The following BCL11A variants were observed in gnomAD, a reference collection of about 807,000 sequenced individuals.
The protein encoded by BCL11A is BCL11 transcription factor A, also known as B cell CLL/lymphoma 11A.
Under a neutral mutation model 55.9 loss-of-function variants are expected in BCL11A, and 2 were observed. The observed-to-expected ratio is 0.04, with a 90% CI of 0.01 to 0.11. The LOEUF is 0.11. BCL11A is among the 10% of genes least tolerant of loss of function. The pLI, the probability that BCL11A is intolerant of heterozygous loss-of-function variation, is 1.00. For synonymous variants in BCL11A, 465 were observed against 473.4 expected, an observed-to-expected ratio of 0.98 and a Z score of 0.23; for missense variants, 817 against 1,137.1, an observed-to-expected ratio of 0.72 and a Z score of 4.05.
At chr2:60,532,295 G>A (rs866935916) in intron 2 of BCL11A, among the ~76,000 whole-genome samples, 4 of 148,632 alleles carry the variant, frequency 2.7e-5, no homozygotes, top group South Asian at 2.1e-4. Flanking sequence ...AGTTTTGAGC[G>A]TCAGAAGGTG....
rs994991200 is a variant in BCL11A, at chr2:60,460,184, GAAAAAGA to G, written c.*213_*219del. 7.0e-6 allele frequency: 9 copies of G among 1,276,670 alleles called. No homozygotes were observed. In the East Asian group the frequency reaches 9.1e-5, roughly 13 times the overall value. The allele number at this position is 1,276,670 out of a possible 1,614,324, so 79.1% of individuals were successfully genotyped here. A position where few individuals can be genotyped will look rare whatever the true frequency, so the allele number is the denominator to read the frequency against. ...AACATAAAGGAAAAAAAAAAAAAAG[GAAAAAGA>G]AAAAAGAAAAAGAAAAAGAAAAAAA... On this transcript the variant is annotated 3_prime_UTR_variant, in exon 4 of 4. Transcript: ENST00000642384.
chr2:60,532,597 A>C (rs1669508925), intron 2 of BCL11A, among the ~76,000 whole-genome samples: 1 of 152,146 alleles, frequency 6.6e-6, no homozygotes, highest in African/African-American at 2.4e-5. Context: ...AAAAAAGAAA[A>C]TTCCTTGGCA....
chr2:60,461,795 G>A lies in BCL11A; in HGVS notation c.1117C>T (p.Pro373Ser), dbSNP rs1676309768. The A allele has an allele frequency of 2.5e-6, 4 of 1,613,884 alleles. No homozygotes were observed. Among genetic ancestry groups the A allele is most frequent in the Non-Finnish European group, 2.5e-6 (3 of 1,180,024 alleles). The change falls in exon 4 of 4, where the codon CCG becomes TCG. Residue 373 changes from proline to serine, a missense_variant. By Grantham distance (74) the Pro-to-Ser change is moderately conservative. Transcript: ENST00000642384. ...LQSAPPPSQP[P>S]VKSKSCEFCG... ...AACTCGCATGACTTGGACTTGACCG[G>A]GGGCTGGGAGGGAGGAGGGGCGGAT...
chr2:60,484,789 C>G (rs961738671), intron 2 of BCL11A, among the ~76,000 whole-genome samples: 2 of 151,658 alleles, frequency 1.3e-5, no homozygotes, highest in African/African-American at 4.8e-5. Context: ...AGTATAAAAC[C>G]TCAAATTATG....
intron 1 of BCL11A, among the ~76,000 whole-genome samples, chr2:60,551,449 G>C (rs985413899): frequency 6.6e-6 from 1 of 152,202 alleles, no homozygotes; most frequent in Admixed American, 6.5e-5. Flanking sequence ...TGGCCTAGTC[G>C]TGCTCGGGGC....
chr2:60,501,730 T>A (rs1039572147), intron 2 of BCL11A, among the ~76,000 whole-genome samples: 1 of 152,038 alleles, frequency 6.6e-6, no homozygotes, highest in Admixed American at 6.6e-5. Context: ...GGTCTCAAAC[T>A]CTTGACCTCA....
At chr2:60,456,009 C>G (rs1675920562), downstream of BCL11A, among the ~76,000 whole-genome samples, 1 of 152,132 alleles carries the variant, frequency 6.6e-6, no homozygotes, top group Non-Finnish European at 1.5e-5. Flanking sequence ...TCTCCAACAT[C>G]CTTTCTCAGT....
intron 2 of BCL11A, among the ~76,000 whole-genome samples, chr2:60,472,250 C>T (rs1222455660): frequency 6.6e-6 from 1 of 152,216 alleles, no homozygotes; most frequent in African/African-American, 2.4e-5. Flanking sequence ...CAGATTGTGT[C>T]CTCACTGCTT....
Position 60,459,805 on chromosome 2 carries a change from A to G in BCL11A, c.*599T>C. 1.9e-6 allele frequency: 2 copies of G among 1,043,426 alleles called. No individual in the cohort carries two copies. Among genetic ancestry groups the G allele is most frequent in the Non-Finnish European group, 2.3e-6 (2 of 865,356 alleles). The allele number at this position is 1,043,426 out of a possible 1,614,324, so 64.6% of individuals were successfully genotyped here. Reference sequence around the variant, plus strand: ...CCCTTTAGAGACAGACATTTAGCTCATAGAGATTTTTTTTCAGTGCTATCT... The same window carrying G: ...CCCTTTAGAGACAGACATTTAGCTCGTAGAGATTTTTTTTCAGTGCTATCT... On this transcript the variant is annotated 3_prime_UTR_variant, in exon 4 of 4. Coordinates refer to ENST00000642384, the MANE Select transcript of BCL11A (RefSeq NM_022893.4).
Position 60,460,587 on chromosome 2 carries a change from G to A in BCL11A, c.2325C>T (p.Cys775=), listed in dbSNP as rs1346759265. ...TGCTACTCTGGGCACAGGCATAGTTGCACAGCTCGCATTTATAAGGCCTTT... is the reference window on the plus strand; with the variant it reads ...TGCTACTCTGGGCACAGGCATAGTTACACAGCTCGCATTTATAAGGCCTTT... ...TGERPYKCEL[C]NYACAQSSKL... Residue 775 remains cysteine (C), a synonymous_variant, in exon 4 of 4, where the codon TGC becomes TGT. Coordinates refer to ENST00000642384, the MANE Select transcript of BCL11A (RefSeq NM_022893.4). 6.2e-7 allele frequency: 1 copy of A among 1,614,120 alleles called. No individual in the cohort carries two copies.
chr2:60,553,312 G>T lies in BCL11A; in HGVS notation c.-42C>A. On this transcript the variant is annotated 5_prime_UTR_variant, in exon 1 of 4. Coordinates refer to ENST00000642384, the MANE Select transcript of BCL11A (RefSeq NM_022893.4). ...GGCGGCGGCGGCGGCGGCGGCGGCG[G>T]CGGGCGGACGACGGCTCGGTTCACA... 1.3e-6 allele frequency: 2 copies of T among 1,523,170 alleles called. No individual in the cohort carries two copies. The allele number at this position is 1,523,170 out of a possible 1,614,324, so 94.4% of individuals were successfully genotyped here.
chr2:60,456,990 A>G (rs747616539), downstream of BCL11A, among the ~76,000 whole-genome samples: 1 of 152,206 alleles, frequency 6.6e-6, no homozygotes, highest in Non-Finnish European at 1.5e-5. Flanking sequence ...CTAAACTGGA[A>G]AGCCTTAAAA....
downstream of BCL11A, among the ~76,000 whole-genome samples, chr2:60,454,195 T>C (rs1235685942): frequency 1.3e-5 from 2 of 152,148 alleles, no homozygotes; most frequent in Admixed American, 6.5e-5. Flanking sequence ...CCACAGTTCA[T>C]AGCTATAGCA....
At position 60,459,242 on chromosome 2, in the gene BCL11A, G is replaced by A. The variant is rs770355316; in HGVS notation, c.*1162C>T. Reference sequence around the variant, plus strand: ...ATTTGATTGTCCACTTGACAACCAAGTAGATCTGGATCTATTTCTTTTGGT... The same window carrying A: ...ATTTGATTGTCCACTTGACAACCAAATAGATCTGGATCTATTTCTTTTGGT... On this transcript the variant is annotated 3_prime_UTR_variant, in exon 4 of 4. Transcript: ENST00000642384. 2.9e-6 allele frequency: 3 copies of A among 1,017,176 alleles called. No homozygotes were observed. The highest frequency in any genetic ancestry group is 3.5e-6 in the Non-Finnish European group (3 of 847,312). 63.0% of individuals were successfully genotyped at this position (1,017,176 alleles called of 1,614,324 possible). A position where few individuals can be genotyped will look rare whatever the true frequency, so the allele number is the denominator to read the frequency against.
chr2:60,457,412 G>A lies in BCL11A; in HGVS notation c.*2992C>T. The A allele has an allele frequency of 9.7e-7, 1 of 1,028,800 alleles. No homozygotes were observed. The highest frequency in any genetic ancestry group is 1.2e-6 in the Non-Finnish European group (1 of 853,718). The allele number at this position is 1,028,800 out of a possible 1,614,324, so 63.7% of individuals were successfully genotyped here. On this transcript the variant is annotated 3_prime_UTR_variant, in exon 4 of 4. Coordinates refer to ENST00000642384, the MANE Select transcript of BCL11A (RefSeq NM_022893.4). The stretch of plus-strand genomic sequence containing the variant: ...AGAAAAATAAAAGATCAAATTAAGT[G>A]CCTCTGTTTTGAACAGGGCACATAA...
intron 2 of BCL11A, among the ~76,000 whole-genome samples, chr2:60,505,996 T>C (rs1188793558): frequency 6.6e-6 from 1 of 152,186 alleles, no homozygotes; most frequent in African/African-American, 2.4e-5. Context: ...CAAATAGGGC[T>C]TTGCAGGGTA....
At chr2:60,486,453 A>G (rs1678282200) in intron 2 of BCL11A, among the ~76,000 whole-genome samples, 1 of 152,144 alleles carries the variant, frequency 6.6e-6, no homozygotes, top group South Asian at 2.1e-4. Context: ...ATACTTAGGC[A>G]CACACACACA....
chr2:60,531,709 C>A (rs1174318219), intron 2 of BCL11A, among the ~76,000 whole-genome samples: 1 of 152,140 alleles, frequency 6.6e-6, no homozygotes, highest in Non-Finnish European at 1.5e-5. Context: ...TGTGCAGACA[C>A]CACCAGGAGA....
intron 2 of BCL11A, chr2:60,508,572 GT>G (rs1188532039): frequency 6.6e-6 from 1 of 152,322 alleles, no homozygotes; most frequent in Non-Finnish European, 1.5e-5. Context: ...CCTCCGGGAT[GT>G]AAAGCATTTG....
Sources: allele counts gnomAD v4.1 joint callset (sites outside exome capture counted in the v4.1 genomes callset), GRCh38; gene constraint gnomAD v4.1.1; transcripts MANE v1.5; gene names NCBI Gene and HGNC (gene_info 2026-07-23, HGNC 2026-07-21).